ELMO1: variants seen among roughly 807,000 people sequenced by gnomAD.
ELMO1 encodes engulfment and cell motility 1.
ELMO1 carries 26 observed loss-of-function variants against 98.9 expected under a neutral mutation model. The observed-to-expected ratio is 0.26, with a 90% CI of 0.19 to 0.36. The LOEUF (loss-of-function observed/expected upper bound fraction) is 0.36. Among genes scored for constraint, ELMO1 ranks in the 10% least tolerant of loss-of-function variants. The probability of loss-of-function intolerance (pLI) is 1.00; values close to 1 mark genes in which losing one functional copy is unlikely to be tolerated. For synonymous variants in ELMO1, 346 were observed against 346.0 expected (o/e 1.00, Z 0.00); for missense variants, 627 against 935.2 (o/e 0.67, Z 4.30).
chr7:37,388,623 C>CA (rs59501155), intron 1 of ELMO1, among the ~76,000 whole-genome samples: 464 of 101,772 alleles, frequency 4.6e-3, no homozygotes, highest in Admixed American at 6.5e-3. Flanking sequence ...ACATCATGTG[C>CA]AAAAAAAAAA....
At chr7:37,091,032 T>G (rs1171442927) in intron 15 of ELMO1, among the ~76,000 whole-genome samples, 2 of 152,194 alleles carry the variant, frequency 1.3e-5, no homozygotes, top group Non-Finnish European at 2.9e-5. Context: ...TTCTACCTAT[T>G]CAAAAGAGAG....
chr7:37,134,515 C>T (rs893537892), intron 13 of ELMO1, among the ~76,000 whole-genome samples: 7 of 149,110 alleles, frequency 4.7e-5, no homozygotes, highest in South Asian at 2.1e-4. Flanking sequence ...GTCGAGATCA[C>T]GCCATTGCAC....
chr7:37,325,460 C>T (rs1799749770), intron 2 of ELMO1, among the ~76,000 whole-genome samples: 3 of 152,138 alleles, frequency 2.0e-5, no homozygotes, highest in African/African-American at 4.8e-5. Flanking sequence ...CAGCTAAAGA[C>T]GGATCACAGC....
chr7:36,928,327 T>C (rs1785746350), intron 16 of ELMO1, among the ~76,000 whole-genome samples: 2 of 152,182 alleles, frequency 1.3e-5, no homozygotes, highest in Non-Finnish European at 2.9e-5. Flanking sequence ...AACAGGGCCT[T>C]GACGGCAATG....
At chr7:37,255,169 T>C (rs1795574361) in intron 6 of ELMO1, among the ~76,000 whole-genome samples, 1 of 152,152 alleles carries the variant, frequency 6.6e-6, no homozygotes, top group Non-Finnish European at 1.5e-5. Flanking sequence ...AATGGGACAG[T>C]ATTTGGAGAT....
chr7:37,237,939 T>C (rs1388259039), intron 7 of ELMO1, among the ~76,000 whole-genome samples: 2 of 152,222 alleles, frequency 1.3e-5, no homozygotes, highest in Non-Finnish European at 2.9e-5. Flanking sequence ...ACCATCTTGA[T>C]AGCTAACCTT....
At chr7:37,071,407 T>C (rs1399437458) in intron 15 of ELMO1, among the ~76,000 whole-genome samples, 1 of 152,150 alleles carries the variant, frequency 6.6e-6, no homozygotes, top group Non-Finnish European at 1.5e-5. Context: ...AATGTATTTT[T>C]CCCAAAGCTG....
At chr7:37,012,248 A>G (rs1340242393) in intron 16 of ELMO1, among the ~76,000 whole-genome samples, 1 of 152,250 alleles carries the variant, frequency 6.6e-6, no homozygotes, top group African/African-American at 2.4e-5. Context: ...TTGGTTCAAG[A>G]TGCCACAAAT....
chr7:37,049,777 CT>C (rs34896674), intron 15 of ELMO1, among the ~76,000 whole-genome samples: 4,854 of 130,992 alleles, frequency 0.037, 97 homozygotes, highest in African/African-American at 0.075. Context: ...TGTTTTGTTT[CT>C]TTTTTTTTTT....
intron 4 of ELMO1, among the ~76,000 whole-genome samples, chr7:37,302,978 T>C (rs865915618): frequency 1.3e-5 from 2 of 152,212 alleles, no homozygotes; most frequent in South Asian, 4.1e-4. Flanking sequence ...TAAGTTCATC[T>C]TCCTCTTATC....
chr7:37,414,325 T>C (rs1270879956), intron 1 of ELMO1, among the ~76,000 whole-genome samples: 1 of 152,198 alleles, frequency 6.6e-6, no homozygotes, highest in Non-Finnish European at 1.5e-5. Context: ...TAGGGACAAC[T>C]ACAGAAATAT....
At chr7:36,994,645 C>G (rs1364360655) in intron 16 of ELMO1, among the ~76,000 whole-genome samples, 1 of 152,228 alleles carries the variant, frequency 6.6e-6, no homozygotes, top group African/African-American at 2.4e-5. Context: ...CAATCTCAGT[C>G]TGAGAGGGAC....
At chr7:37,241,160 A>G (rs1794746678) in intron 7 of ELMO1, among the ~76,000 whole-genome samples, 1 of 152,120 alleles carries the variant, frequency 6.6e-6, no homozygotes, top group Admixed American at 6.5e-5. Context: ...ATAATTTTAA[A>G]TGTGCATACA....
At chr7:37,410,795 T>C (rs1252337509) in intron 1 of ELMO1, among the ~76,000 whole-genome samples, 1 of 152,184 alleles carries the variant, frequency 6.6e-6, no homozygotes, top group East Asian at 1.9e-4. Context: ...GGTTTCCTGT[T>C]GGAGAAAAAA....
intron 16 of ELMO1, among the ~76,000 whole-genome samples, chr7:36,958,975 G>A (rs1025033297): frequency 4.0e-5 from 6 of 151,882 alleles, no homozygotes; most frequent in Admixed American, 1.3e-4. Context: ...GTGTCTATCC[G>A]GGCATCTCAC....
chr7:37,029,969 G>GA (rs1794785923), intron 15 of ELMO1, among the ~76,000 whole-genome samples: 2 of 151,956 alleles, frequency 1.3e-5, no homozygotes, highest in South Asian at 4.2e-4. Flanking sequence ...ATCAACCCCC[G>GA]AAGGTTCTAT....
intron 15 of ELMO1, among the ~76,000 whole-genome samples, chr7:37,056,544 T>C (rs1032590174): frequency 6.6e-6 from 1 of 152,304 alleles, no homozygotes; most frequent in East Asian, 1.9e-4. Context: ...AGGAAAAGGA[T>C]GACATGGAAA....
intron 13 of ELMO1, among the ~76,000 whole-genome samples, chr7:37,174,767 CA>C (rs1433806614): frequency 6.6e-6 from 1 of 152,104 alleles, no homozygotes; most frequent in African/African-American, 2.4e-5. Context: ...AGGTCAATAT[CA>C]AGCTAAAATG....
chr7:37,293,061 G>A (rs1225530536), intron 4 of ELMO1, among the ~76,000 whole-genome samples: 2 of 36,392 alleles, frequency 5.5e-5, no homozygotes, highest in African/African-American at 1.3e-4. Context: ...TCAGCCCCCT[G>A]CCCGGCCAGC....
Sources: gnomAD v4.1 joint callset for allele counts (sites outside exome capture counted in the v4.1 genomes callset) on GRCh38, gnomAD v4.1.1 for gene constraint, MANE v1.5 for transcripts, NCBI Gene and HGNC (gene_info 2026-07-23, HGNC 2026-07-21) for gene names.